Variants in MATN4 observed in about 807,000 individuals in gnomAD.
MATN4 encodes matrilin 4.
In MATN4, 40 loss-of-function variants were observed where a neutral mutation model predicts 54.6. The ratio of observed to expected loss-of-function variants is 0.73; its 90% CI spans 0.57 to 0.95. The LOEUF is 0.95. Among genes scored for constraint, MATN4 ranks in the 40% least tolerant of loss-of-function variants. The probability of loss-of-function intolerance (pLI) is 0.00; values close to 1 mark genes in which losing one functional copy is unlikely to be tolerated. For synonymous variants in MATN4, 351 were observed against 345.3 expected, an observed-to-expected ratio of 1.02 and a Z score of -0.18; for missense variants, 810 against 819.1, an observed-to-expected ratio of 0.99 and a Z score of 0.13.
rs112213184 is a variant in MATN4 at position 45,297,262 on chromosome 20, A to G, written c.1579+656T>C. Reference sequence around the variant, plus strand: ...ACATCTTAAGCCTGGGCTAGTGTCTAAAGTCTCTAGGGTAAAAGTTACCCT... The same window carrying G: ...ACATCTTAAGCCTGGGCTAGTGTCTGAAGTCTCTAGGGTAAAAGTTACCCT... On this transcript the variant is annotated intron_variant, in intron 8 of 9. Transcript: ENST00000372756. 1.4e-3 allele frequency among the ~76,000 whole-genome samples: 206 copies of G among 152,182 alleles called. 1 individual carries two copies. Among genetic ancestry groups the G allele is most frequent in the African/African-American group, 4.8e-3 (201 of 41,510 alleles).
Position 45,307,994 on chromosome 20 carries a change from C to G in MATN4, c.-35+181G>C, listed in dbSNP as rs936684856. The G allele has an allele frequency of 1.0e-5, 6 of 574,652 alleles. No individual in the cohort carries two copies. The African/African-American group carries it at 1.1e-4, about 11-fold the overall frequency. 35.6% of individuals were successfully genotyped at this position (574,652 alleles called of 1,614,324 possible). Reference sequence around the variant, plus strand: ...GGATGAGAGTAGAAAAGGGATGATCCTATTTTGATGGCTTTGAGGGTGGGG... The same window carrying G: ...GGATGAGAGTAGAAAAGGGATGATCGTATTTTGATGGCTTTGAGGGTGGGG... On this transcript the variant is annotated intron_variant, in intron 1 of 9. Coordinates refer to ENST00000372756, the MANE Select transcript of MATN4 (RefSeq NM_001393530.1).
In MATN4 at chr20:45,293,978, T is replaced by A; in HGVS notation, c.1617A>T (p.Pro539=). Reference sequence around the variant, plus strand: ...ACTCCACGAGGCTTTCGCATTCGCATGGGCTCCGAAGCTCTGTCCCTGCGC... The same window carrying A: ...ACTCCACGAGGCTTTCGCATTCGCAAGGGCTCCGAAGCTCTGTCCCTGCGC... ...GISAGTELRS[P]CECESLVEFQ... is the part of the protein sequence containing the mutation. The change falls in exon 9 of 10, where the codon CCA becomes CCT. Residue 539 remains proline, a synonymous_variant. Coordinates refer to ENST00000372756, the MANE Select transcript of MATN4 (RefSeq NM_001393530.1). 6.2e-7 allele frequency: 1 copy of A among 1,603,554 alleles called. No individual in the cohort carries two copies. The highest frequency in any genetic ancestry group is 8.5e-7 in the Non-Finnish European group (1 of 1,179,680).
Position 45,298,342 on chromosome 20 carries a change from C to T in MATN4, c.1254G>A (p.Met418Ile), listed in dbSNP as rs1266629205. The T allele has an allele frequency of 6.2e-7, 1 of 1,613,376 alleles. No individual in the cohort carries two copies. The highest frequency in any genetic ancestry group is 1.3e-5 in the African/African-American group (1 of 74,932). ...VKQAVLAVEYMERGTMTGLAL... is the reference protein window; with the variant it reads ...VKQAVLAVEYIERGTMTGLAL... ...CCAGCCCTGTCATGGTGCCGCGTTC[C>T]ATGTACTCCACGGCCAGGACCGCCT... is the stretch of plus-strand genomic sequence containing the variant. Residue 418 changes from methionine to isoleucine, a missense_variant, in exon 7 of 10, where the codon ATG becomes ATA. By Grantham distance (10) the Met-to-Ile change is conservative. Coordinates refer to ENST00000372756, the MANE Select transcript of MATN4 (RefSeq NM_001393530.1). The surrounding 1 kb of genome is among the most constrained non-coding windows in gnomAD (Gnocchi z 4.6).
chr20:45,294,044 G>T (rs756379446), intron 8 of MATN4, 29 bp from the exon 9 acceptor site: 4 of 1,554,158 alleles, frequency 2.6e-6, no homozygotes, highest in African/African-American at 2.7e-5. Flanking sequence ...GGGTCAGGGG[G>T]ATGAGAAATT....
rs1171640434 is a variant in MATN4 at position 45,304,684 on chromosome 20, C to G, written c.187G>C (p.Gly63Arg). 2 of 1,612,974 alleles carry G rather than the reference C, an allele frequency of 1.2e-6. No homozygotes were observed. Among genetic ancestry groups the G allele is most frequent in the African/African-American group, 1.3e-5 (1 of 75,052 alleles). ...GTGGCGTTGGGACCCACGTTCAGGC[C>G]TCGGAGGAGGCCCATGAGGAACTGC... The part of the protein sequence containing the change: ...MRQFLMGLLR[G>R]LNVGPNATRV... The change falls in exon 3 of 10, where the codon GGC (glycine) becomes CGC (arginine). Residue 63 changes from glycine (G) to arginine (R), a missense_variant. Physicochemically the swap from Gly to Arg is moderately radical, Grantham distance 125 (BLOSUM62 -2). Coordinates refer to ENST00000372756, the MANE Select transcript of MATN4 (RefSeq NM_001393530.1).
rs746373222 is a variant in MATN4, at chr20:45,300,965, A to G, written c.934T>C (p.Cys312Arg). The change falls in exon 6 of 10, where the codon TGT (cysteine) becomes CGT (arginine). Residue 312 changes from cysteine (C) to arginine (R), a missense_variant. Physicochemically the swap from Cys to Arg is radical, Grantham distance 180. Coordinates refer to ENST00000372756, the MANE Select transcript of MATN4 (RefSeq NM_001393530.1). ...NGVDHGCEFQCVSEGLSYRCL... is the reference protein window; with the variant it reads ...NGVDHGCEFQRVSEGLSYRCL... ...CGGTAGGAGAGGCCCTCGCTCACAC[A>G]CTGGAACTCACAGCCATGGTCCACG... The G allele has an allele frequency of 6.2e-7, 1 of 1,614,064 alleles. No homozygotes were observed. Among genetic ancestry groups the G allele is most frequent in the Admixed American group, 1.7e-5 (1 of 60,028 alleles).
rs201046198 is a variant in MATN4 at position 45,298,256 on chromosome 20, A to T, written c.1340T>A (p.Leu447His). 6.8e-5 allele frequency: 110 copies of T among 1,612,650 alleles called. 1 individual carries two copies. Among genetic ancestry groups the T allele is most frequent in the South Asian group, 1.6e-4 (15 of 91,054 alleles). ...SEAQGARPRA[L>H]NVPRVGLVFT... is the part of the protein sequence containing the mutation. ...GACCAGGCCAACACGAGGCACGTTA[A>T]GGGCACGGGGCCGTGCACCCTGCGC... Residue 447 changes from leucine to histidine, a missense_variant, in exon 7 of 10, where the codon CTT (leucine) becomes CAT (histidine). By Grantham distance (99) the Leu-to-His change is moderately conservative (BLOSUM62 -3). Transcript: ENST00000372756. The surrounding 1 kb of genome is among the most constrained non-coding windows in gnomAD (Gnocchi z 4.6).
Position 45,300,952 on chromosome 20 carries a change from C to T in MATN4, c.947G>A (p.Gly316Asp), listed in dbSNP as rs777842327. 3.1e-6 allele frequency: 5 copies of T among 1,613,922 alleles called. No homozygotes were observed. In the African/African-American group the frequency reaches 6.7e-5, roughly 22 times the overall value. ...HGCEFQCVSE[G>D]LSYRCLCPEG... ...GGGGCACAGGCAGCGGTAGGAGAGG[C>T]CCTCGCTCACACACTGGAACTCACA... The change falls in exon 6 of 10, where the codon GGC (glycine) becomes GAC (aspartate). Residue 316 changes from glycine to aspartate, a missense_variant. Coordinates refer to ENST00000372756, the MANE Select transcript of MATN4 (RefSeq NM_001393530.1).
upstream of MATN4, chr20:45,308,411 G>C (rs111742158): frequency 6.8e-5 from 41 of 600,738 alleles, no homozygotes; most frequent in Admixed American, 2.2e-4. Flanking sequence ...TCCTCCTGAG[G>C]GGGGGCAAAC....
chr20:45,303,337 A>G (rs761933559), intron 3 of MATN4: 14 of 690,838 alleles, frequency 2.0e-5, no homozygotes, highest in Non-Finnish European at 3.0e-5. Flanking sequence ...GGCAATGGAG[A>G]GCCAAAGAAG....
chr20:45,308,081 C>T lies in MATN4; in HGVS notation c.-35+94G>A. On this transcript the variant is annotated intron_variant, in intron 1 of 9. Transcript: ENST00000372756. ...GGCACTGCAAATCAGATAGGGCACCCTAGGCAGCGTCTCTGCTAAAATACA... is the reference window on the plus strand; with the variant it reads ...GGCACTGCAAATCAGATAGGGCACCTTAGGCAGCGTCTCTGCTAAAATACA... The T allele has an allele frequency of 5.0e-6, 6 of 1,211,194 alleles. No individual in the cohort carries two copies. In the South Asian group the frequency reaches 7.5e-5, roughly 15 times the overall value. The allele number at this position is 1,211,194 out of a possible 1,614,324, so 75.0% of individuals were successfully genotyped here.
chr20:45,306,688 C>G (rs536981597), intron 1 of MATN4, among the ~76,000 whole-genome samples: 1 of 152,376 alleles, frequency 6.6e-6, no homozygotes, highest in East Asian at 1.9e-4. Context: ...CTCTCAGGAG[C>G]GACCGCCAGG....
rs1362698883 is a variant in MATN4, at chr20:45,304,720, C to G, written c.151G>C (p.Glu51Gln). ...SSRSVRPFEF[E>Q]TMRQFLMGLL... ...CCCATGAGGAACTGCCGCATGGTCTCGAACTCGAAAGGGCGCACGCTGCGG... is the reference window on the plus strand; with the variant it reads ...CCCATGAGGAACTGCCGCATGGTCTGGAACTCGAAAGGGCGCACGCTGCGG... The change falls in exon 3 of 10, where the codon GAG becomes CAG. Residue 51 changes from glutamate to glutamine, a missense_variant. By Grantham distance (29) the Glu-to-Gln change is conservative. Coordinates refer to ENST00000372756, the MANE Select transcript of MATN4 (RefSeq NM_001393530.1). The G allele has an allele frequency of 4.3e-6, 7 of 1,611,628 alleles. No homozygotes were observed. Among genetic ancestry groups the G allele is most frequent in the Non-Finnish European group, 5.9e-6 (7 of 1,178,476 alleles).
Position 45,304,664 on chromosome 20 carries a change from G to T in MATN4, c.207C>A (p.Asn69Lys). The T allele has an allele frequency of 1.2e-6, 2 of 1,612,770 alleles. No homozygotes were observed. The highest frequency in any genetic ancestry group is 1.7e-6 in the Non-Finnish European group (2 of 1,179,278). Reference sequence around the variant, plus strand: ...ACTGGATCACGCCAACGCGCGTGGCGTTGGGACCCACGTTCAGGCCTCGGA... The same window carrying T: ...ACTGGATCACGCCAACGCGCGTGGCTTTGGGACCCACGTTCAGGCCTCGGA... ...GLLRGLNVGP[N>K]ATRVGVIQYS... Residue 69 changes from asparagine to lysine, a missense_variant, in exon 3 of 10, where the codon AAC becomes AAA. Transcript: ENST00000372756.
In MATN4 at chr20:45,297,956, G is replaced by A. The variant is rs367859032; in HGVS notation, c.1541C>T (p.Thr514Met). 7.2e-5 allele frequency: 116 copies of A among 1,614,216 alleles called. No homozygotes were observed. The highest frequency in any genetic ancestry group is 4.0e-4 in the African/African-American group (30 of 75,066). The change falls in exon 8 of 10, where the codon ACG becomes ATG. Residue 514 changes from threonine (T) to methionine (M), a missense_variant. Physicochemically the swap from Thr to Met is moderately conservative, Grantham distance 81. Coordinates refer to ENST00000372756, the MANE Select transcript of MATN4 (RefSeq NM_001393530.1). ...GCCTCTGAGGTTCTCCAGCAGGTGCGTCATGGTGCCGAAGTCCGGGGCATA... is the reference window on the plus strand; with the variant it reads ...GCCTCTGAGGTTCTCCAGCAGGTGCATCATGGTGCCGAAGTCCGGGGCATA... The part of the protein sequence containing the change: ...VSYAPDFGTM[T>M]HLLENLRGSI...
intron 6 of MATN4, among the ~76,000 whole-genome samples, chr20:45,300,072 C>T (rs1986130941): frequency 6.6e-6 from 1 of 151,910 alleles, no homozygotes; most frequent in South Asian, 2.1e-4. Flanking sequence ...GACACCATAT[C>T]TGCTGGCACC....
chr20:45,308,594 C>T (rs1986958999), upstream of MATN4: 1 of 291,484 alleles, frequency 3.4e-6, no homozygotes, highest in East Asian at 7.1e-5. Flanking sequence ...AGGGGTGGAG[C>T]GGTCCTGGCT....
chr20:45,307,313 A>G (rs369666560), intron 1 of MATN4, among the ~76,000 whole-genome samples: 9 of 152,248 alleles, frequency 5.9e-5, no homozygotes, highest in East Asian at 5.8e-4. Flanking sequence ...GAGCGAGGCC[A>G]GTGCCTGCTT....
In MATN4 at chr20:45,298,351, C is replaced by T. The variant is rs780691743; in HGVS notation, c.1245G>A (p.Val415=). 4 of 1,613,226 alleles carry T rather than the reference C, an allele frequency of 2.5e-6. No homozygotes were observed. The East Asian group carries it at 6.7e-5, about 27-fold the overall frequency. The stretch of plus-strand genomic sequence containing the variant: ...TCATGGTGCCGCGTTCCATGTACTC[C>T]ACGGCCAGGACCGCCTGCTTCACCT... ...AAEVKQAVLA[V]EYMERGTMTG... The change falls in exon 7 of 10, where the codon GTG becomes GTA. Residue 415 remains valine, a synonymous_variant. Transcript: ENST00000372756. This position sits in a 1 kb window ranked among gnomAD's most constrained non-coding sequence, Gnocchi z 4.6.
Sources: allele counts gnomAD v4.1 joint callset (sites outside exome capture counted in the v4.1 genomes callset), GRCh38; gene constraint gnomAD v4.1.1; non-coding constraint Gnocchi (gnomAD v3.1); transcripts MANE v1.5; gene names NCBI Gene and HGNC (gene_info 2026-07-23, HGNC 2026-07-21).